Variants in EVC2 observed in about 807,000 individuals in gnomAD.
EVC2 encodes the protein limbin.
In EVC2, 148 loss-of-function variants were observed where a neutral mutation model predicts 149.3. The ratio of observed to expected loss-of-function variants is 0.99; its 90% confidence interval spans 0.87 to 1.14. The LOEUF (loss-of-function observed/expected upper bound fraction) is 1.14, where lower values mean the gene tolerates loss of function less well. Ranked by LOEUF, EVC2 falls within the 50% of genes most tolerant of loss-of-function variation. The pLI is 0.00. For synonymous variants in EVC2, 776 were observed against 649.9 expected, an observed-to-expected ratio of 1.19 and a Z score of -2.95; for missense variants, 1,854 against 1,627.3, an observed-to-expected ratio of 1.14 and a Z score of -2.40.
chr4:5,568,677 G>A (rs375291835), intron 19 of EVC2, 37 bp from the exon 20 acceptor site: 95 of 1,578,196 alleles, frequency 6.0e-5, no homozygotes, highest in South Asian at 1.8e-4. Context: ...GACCCTCGCC[G>A]CCTCTCAACT....
intron 9 of EVC2, among the ~76,000 whole-genome samples, chr4:5,643,881 C>T (rs1006470320): frequency 1.3e-4 from 20 of 151,958 alleles, no homozygotes; most frequent in African/African-American, 3.6e-4. Context: ...GGCAATAGGG[C>T]GAGACTGTCT....
chr4:5,582,309 C>G (rs1214847366), intron 17 of EVC2, among the ~76,000 whole-genome samples: 2 of 152,218 alleles, frequency 1.3e-5, no homozygotes, highest in Non-Finnish European at 2.9e-5. Flanking sequence ...GGCTGAGCTG[C>G]CCAAGGCTTT....
At position 5,569,819 on chromosome 4, in the gene EVC2, G is replaced by T. The variant is rs905372951; in HGVS notation, c.3361-1179C>A. 2.0e-5 allele frequency among the ~76,000 whole-genome samples: 3 copies of T among 151,960 alleles called. No homozygotes were observed. Among genetic ancestry groups the T allele is most frequent in the Non-Finnish European group, 4.4e-5 (3 of 67,994 alleles). On this transcript the variant is annotated intron_variant, in intron 19 of 21. Transcript: ENST00000344408. This position sits in a 1 kb window ranked among gnomAD's most constrained non-coding sequence, Gnocchi z 4.8. ...ACCTTGGTAAGTGCTTTCAGTGAAGGCACGAGGAAAGGTGCTGTTCCAAAT... is the reference window on the plus strand; with the variant it reads ...ACCTTGGTAAGTGCTTTCAGTGAAGTCACGAGGAAAGGTGCTGTTCCAAAT...
intron 9 of EVC2, among the ~76,000 whole-genome samples, chr4:5,655,645 C>T (rs57102438): frequency 1.3e-5 from 2 of 151,950 alleles, no homozygotes; most frequent in East Asian, 1.9e-4. Context: ...AGACACAACT[C>T]GCGCATCACA....
rs1722517156 is a variant in EVC2 at position 5,569,458 on chromosome 4, C to A, written c.3361-818G>T. Among the ~76,000 whole-genome samples the A allele has an allele frequency of 1.3e-5, 2 of 152,220 alleles. No individual in the cohort carries two copies. The highest frequency in any genetic ancestry group is 2.9e-5 in the Non-Finnish European group (2 of 68,044). ...GAGTGAAACTCTCTGAAACTCTATA[C>A]TAGCTTTGTAACTTCTTGTGAATCT... On this transcript the variant is annotated intron_variant, in intron 19 of 21. Coordinates refer to ENST00000344408, the MANE Select transcript of EVC2 (RefSeq NM_147127.5). This position sits in a 1 kb window ranked among gnomAD's most constrained non-coding sequence, Gnocchi z 4.8.
chr4:5,630,755 C>G (rs908712152), intron 11 of EVC2, among the ~76,000 whole-genome samples: 1 of 152,128 alleles, frequency 6.6e-6, no homozygotes, highest in Non-Finnish European at 1.5e-5. Context: ...GGTACCCTTG[C>G]TGCTTGAGAA....
chr4:5,708,681 G>C (rs1722383566), upstream of EVC2: 2 of 497,622 alleles, frequency 4.0e-6, no homozygotes, highest in East Asian at 7.1e-5. Flanking sequence ...GGTGCCGGAC[G>C]GGCGTGGGAG....
intron 16 of EVC2, among the ~76,000 whole-genome samples, chr4:5,610,296 C>T (rs1341705019): frequency 6.6e-6 from 1 of 152,110 alleles, no homozygotes; most frequent in Non-Finnish European, 1.5e-5. Context: ...AATATATATA[C>T]ATACAGTGTC....
intron 16 of EVC2, among the ~76,000 whole-genome samples, chr4:5,593,992 C>G (rs1001676662): frequency 3.0e-4 from 46 of 152,216 alleles, no homozygotes; most frequent in Non-Finnish European, 5.4e-4. Flanking sequence ...TGACATTGAA[C>G]TGCAAGGCGG....
chr4:5,641,888 G>C (rs1717355662), intron 9 of EVC2, among the ~76,000 whole-genome samples: 1 of 152,104 alleles, frequency 6.6e-6, no homozygotes, highest in Non-Finnish European at 1.5e-5. Context: ...CGATATCTAG[G>C]TTTTAAGCTC....
chr4:5,708,022 G>A (rs911318290), intron 1 of EVC2: 1 of 371,262 alleles, frequency 2.7e-6, no homozygotes, highest in East Asian at 4.3e-5. Context: ...GTCGAAGCTC[G>A]TAAAATGGAG....
Position 5,689,289 on chromosome 4 carries a change from T to G in EVC2, c.574A>C (p.Thr192Pro), listed in dbSNP as rs1173440752. The G allele has an allele frequency of 3.7e-6, 6 of 1,614,022 alleles. No homozygotes were observed. The highest frequency in any genetic ancestry group is 1.3e-5 in the African/African-American group (1 of 74,908). Residue 192 changes from threonine to proline, a missense_variant, in exon 5 of 22, where the codon ACC (threonine) becomes CCC (proline). By Grantham distance (38) the Thr-to-Pro change is conservative (BLOSUM62 -1). Transcript: ENST00000344408. ...AGGTTGGCTGACGAGGTTGTCTTGG[T>G]GTTGTTAACAAGCAGCCATATGCGG... ...TARIWLLVNN[T>P]KTTSSANLSE...
downstream of EVC2, among the ~76,000 whole-genome samples, chr4:5,539,767 T>C (rs1443854131): frequency 7.3e-6 from 1 of 137,732 alleles, no homozygotes; most frequent in East Asian, 2.7e-4. Flanking sequence ...TTGCACCATA[T>C]ACTACAAAAA....
intron 15 of EVC2, among the ~76,000 whole-genome samples, chr4:5,617,865 C>T (rs1316221958): frequency 2.6e-5 from 4 of 152,262 alleles, no homozygotes; most frequent in East Asian, 1.9e-4. Flanking sequence ...AACAAGGGAA[C>T]AGGACAGGAA....
chr4:5,536,071 T>C, the EVC2 span, among the ~76,000 whole-genome samples: 16 of 152,052 alleles, frequency 1.1e-4, no homozygotes, highest in African/African-American at 3.4e-4. Context: ...TTTTTTCCCA[T>C]GGACCCTTTC....
chr4:5,554,491 G>A (rs891861993), intron 21 of EVC2, among the ~76,000 whole-genome samples: 1 of 152,192 alleles, frequency 6.6e-6, no homozygotes, highest in Non-Finnish European at 1.5e-5. Flanking sequence ...GATCATGATA[G>A]AGAGATAAGA....
intron 17 of EVC2, among the ~76,000 whole-genome samples, chr4:5,581,599 C>A (rs1711798966): frequency 6.6e-6 from 1 of 152,216 alleles, no homozygotes; most frequent in Non-Finnish European, 1.5e-5. Context: ...AACCTGGCTG[C>A]TTCTAACAAC....
At chr4:5,597,450 G>A (rs1049395184) in intron 16 of EVC2, among the ~76,000 whole-genome samples, 7 of 151,806 alleles carry the variant, frequency 4.6e-5, no homozygotes, top group South Asian at 2.1e-4. Context: ...CATATAAACA[G>A]AACCAAAGAC....
At chr4:5,621,235 A>C (rs1577167957) in intron 14 of EVC2, among the ~76,000 whole-genome samples, 1 of 152,306 alleles carries the variant, frequency 6.6e-6, no homozygotes, top group African/African-American at 2.4e-5. Flanking sequence ...CTAGGAGATA[A>C]CTTCTACAAG....
Sources: gnomAD v4.1 joint callset for allele counts (sites outside exome capture counted in the v4.1 genomes callset) on GRCh38, gnomAD v4.1.1 for gene constraint, Gnocchi (gnomAD v3.1) non-coding constraint, MANE v1.5 for transcripts, NCBI Gene and HGNC (gene_info 2026-07-23, HGNC 2026-07-21) for gene names.